Variants in KSR2 observed in about 807,000 individuals in gnomAD.
KSR2 encodes kinase suppressor of ras 2.
KSR2 carries 25 observed loss-of-function variants against 107.8 expected under a neutral mutation model. That is an observed-to-expected ratio of 0.23 (90% CI 0.17 to 0.32). The LOEUF (loss-of-function observed/expected upper bound fraction) is 0.32. KSR2 is among the 10% of genes least tolerant of loss of function. The pLI is 1.00. For missense variants in KSR2, 887 were observed against 1,268.9 expected (o/e 0.70, Z 4.57); for synonymous variants, 480 against 507.0 (o/e 0.95, Z 0.71).
rs10651702 is a variant in KSR2 at position 117,968,305 on chromosome 12, A to AGGT, written c.-51_-50insACC. ...CTCCTCCTCCTCCCAGAGAGAAAAA[A>AGGT]GAGGGGGGGGAGTAGAGGTAGTCTA... On this transcript the variant is annotated 5_prime_UTR_variant, in exon 1 of 20. Transcript: ENST00000339824. The AGGT allele has an allele frequency of 1.8e-4, 198 of 1,112,122 alleles. 3 individuals carry two copies. The highest frequency in any genetic ancestry group is 2.2e-4 in the Non-Finnish European group (185 of 859,808). 68.9% of individuals were successfully genotyped at this position (1,112,122 alleles called of 1,614,324 possible). A position where few individuals can be genotyped will look rare whatever the true frequency, so the allele number is the denominator to read the frequency against.
At chr12:117,495,907 A>G (rs867333187) in intron 14 of KSR2, among the ~76,000 whole-genome samples, 8 of 152,120 alleles carry the variant, frequency 5.3e-5, no homozygotes, top group Non-Finnish European at 8.8e-5. Context: ...TACAAAAATT[A>G]GCCAGGCGTG....
At chr12:117,957,489 A>C (rs925465103) in intron 1 of KSR2, among the ~76,000 whole-genome samples, 1 of 149,962 alleles carries the variant, frequency 6.7e-6, no homozygotes. Flanking sequence ...GCCTCTCAAC[A>C]CCTCCCCTGT....
intron 5 of KSR2, among the ~76,000 whole-genome samples, chr12:117,623,898 C>A (rs1412635230): frequency 2.0e-5 from 3 of 152,206 alleles, no homozygotes; most frequent in Non-Finnish European, 4.4e-5. Flanking sequence ...TCTGTTGTTT[C>A]CTGACTTTCT....
chr12:117,610,738 C>CAAA lies in KSR2; in HGVS notation c.1172-28382_1172-28380dup, dbSNP rs35825253. Among the ~76,000 whole-genome samples, 194 of 110,778 alleles carry CAAA rather than the reference C, an allele frequency of 1.8e-3. 3 individuals are homozygous for CAAA. The highest frequency in any genetic ancestry group is 9.3e-3 in the Middle Eastern group (2 of 214). The allele number at this position is 110,778 out of a possible 152,430, so 72.7% of individuals were successfully genotyped here. On this transcript the variant is annotated intron_variant, in intron 5 of 19. Transcript: ENST00000339824. ...TGGGTGACAGAGTGAGACCCTGTCTCAAAAAAAAAAAAAAAAACAGATCCC... is the reference window on the plus strand; with the variant it reads ...TGGGTGACAGAGTGAGACCCTGTCTCAAAAAAAAAAAAAAAAAAAACAGATCCC...
intron 4 of KSR2, among the ~76,000 whole-genome samples, chr12:117,750,654 C>A (rs1206258945): frequency 6.6e-6 from 1 of 152,062 alleles, no homozygotes; most frequent in Non-Finnish European, 1.5e-5. Flanking sequence ...TTGTCCCTCT[C>A]CCTTCTCTCC....
chr12:117,639,870 G>A (rs1883281125), intron 5 of KSR2, among the ~76,000 whole-genome samples: 1 of 151,960 alleles, frequency 6.6e-6, no homozygotes, highest in Non-Finnish European at 1.5e-5. Flanking sequence ...CTGCCAGCCT[G>A]GGCTGCTAGG....
chr12:117,922,906 T>C lies in KSR2; in HGVS notation c.180+45170A>G, dbSNP rs572541990. ...TTTGTAACCCCAATATCAATACACATGGTCTTTTCACGGTCATCTGGGGAC... is the reference window on the plus strand; with the variant it reads ...TTTGTAACCCCAATATCAATACACACGGTCTTTTCACGGTCATCTGGGGAC... On this transcript the variant is annotated intron_variant, in intron 1 of 19. Transcript: ENST00000339824. 1.4e-4 allele frequency among the ~76,000 whole-genome samples: 22 copies of C among 152,336 alleles called. No homozygotes were observed. In the East Asian group the frequency reaches 3.9e-3, roughly 27 times the overall value.
chr12:117,713,956 T>A (rs190681850), intron 4 of KSR2, among the ~76,000 whole-genome samples: 71 of 152,298 alleles, frequency 4.7e-4, no homozygotes, highest in African/African-American at 1.7e-3. Context: ...GTTTGGGGAC[T>A]GAGGAGTGCT....
intron 3 of KSR2, among the ~76,000 whole-genome samples, chr12:117,847,413 GAGA>G (rs1735543705): frequency 6.6e-6 from 1 of 152,176 alleles, no homozygotes; most frequent in Non-Finnish European, 1.5e-5. Flanking sequence ...TGATACTCAA[GAGA>G]AGAAGCCAGA....
chr12:117,882,471 C>T (rs1894055503), intron 1 of KSR2, among the ~76,000 whole-genome samples: 3 of 152,152 alleles, frequency 2.0e-5, no homozygotes, highest in Admixed American at 6.5e-5. Context: ...TTTATGGTTA[C>T]AGGGATCTGA....
In KSR2 at chr12:117,821,505, CA is replaced by C. The variant is rs1220765494; in HGVS notation, c.472+33922del. 7.2e-5 allele frequency among the ~76,000 whole-genome samples: 11 copies of C among 152,280 alleles called. No individual in the cohort carries two copies. The East Asian group carries it at 2.1e-3, about 29-fold the overall frequency. On this transcript the variant is annotated intron_variant, in intron 3 of 19. Transcript: ENST00000339824. ...ATTGTAGGAATACGTATATTCATAACATACAAAATATGTGTTAACTGACTTC... is the reference window on the plus strand; with the variant it reads ...ATTGTAGGAATACGTATATTCATAACTACAAAATATGTGTTAACTGACTTC...
chr12:117,773,605 T>C (rs1202148311), intron 3 of KSR2, among the ~76,000 whole-genome samples: 1 of 152,204 alleles, frequency 6.6e-6, no homozygotes, highest in Non-Finnish European at 1.5e-5. Flanking sequence ...TCAACACTGC[T>C]TGTAACTTTT....
intron 1 of KSR2, among the ~76,000 whole-genome samples, chr12:117,958,927 C>T (rs1355469859): frequency 6.6e-6 from 1 of 151,456 alleles, no homozygotes; most frequent in Admixed American, 6.6e-5. Context: ...TTGAACAAAC[C>T]AGTAGAGTGA....
chr12:117,592,877 T>G (rs1276391892), intron 5 of KSR2, among the ~76,000 whole-genome samples: 1 of 152,174 alleles, frequency 6.6e-6, no homozygotes, highest in Non-Finnish European at 1.5e-5. Context: ...ACACATCCCA[T>G]GGATCAGAGA....
At chr12:117,850,410 G>T (rs1377559274) in intron 3 of KSR2, among the ~76,000 whole-genome samples, 1 of 152,176 alleles carries the variant, frequency 6.6e-6, no homozygotes, top group South Asian at 2.1e-4. Flanking sequence ...TGAGTACCAA[G>T]ATGTGAAATC....
intron 1 of KSR2, among the ~76,000 whole-genome samples, chr12:117,961,048 C>T (rs1388478658): frequency 2.0e-5 from 3 of 152,168 alleles, no homozygotes; most frequent in African/African-American, 7.2e-5. Flanking sequence ...ATCCTCCCAC[C>T]TTGGCATCCC....
chr12:117,930,344 T>C (rs1387342015), intron 1 of KSR2, among the ~76,000 whole-genome samples: 2 of 152,136 alleles, frequency 1.3e-5, no homozygotes, highest in Non-Finnish European at 2.9e-5. Context: ...AAAAAAATTA[T>C]TCTTAAATAA....
chr12:117,598,426 G>A (rs923480514), intron 5 of KSR2, among the ~76,000 whole-genome samples: 7 of 152,162 alleles, frequency 4.6e-5, no homozygotes, highest in East Asian at 1.9e-4. Flanking sequence ...TTGCAATTGC[G>A]AATTGTGCTG....
Position 117,950,749 on chromosome 12 carries a change from A to AAATAATAATAAT in KSR2, c.180+17315_180+17326dup, listed in dbSNP as rs10700691. 1.6e-3 allele frequency among the ~76,000 whole-genome samples: 215 copies of AAATAATAATAAT among 132,126 alleles called. 2 individuals carry two copies. The highest frequency in any genetic ancestry group is 0.011 in the East Asian group (49 of 4,624). The allele number at this position is 132,126 out of a possible 152,430, so 86.7% of individuals were successfully genotyped here. A position where few individuals can be genotyped will look rare whatever the true frequency, so the allele number is the denominator to read the frequency against. On this transcript the variant is annotated intron_variant, in intron 1 of 19. Coordinates refer to ENST00000339824, the MANE Select transcript of KSR2 (RefSeq NM_173598.6). ...GAGCAAGACTCTGTAAAAAAAAAAA[A>AAATAATAATAAT]AATAATAATAATAATAATAATGATA...
Sources: gnomAD v4.1 joint callset for allele counts (sites outside exome capture counted in the v4.1 genomes callset) on GRCh38, gnomAD v4.1.1 for gene constraint, MANE v1.5 for transcripts, NCBI Gene and HGNC (gene_info 2026-07-23, HGNC 2026-07-21) for gene names.